FAM91A1: variants seen among roughly 807,000 people sequenced by gnomAD.
FAM91A1 encodes the protein protein FAM91A1.
In FAM91A1, 41 loss-of-function variants were observed where a neutral mutation model predicts 113.5. That is an observed-to-expected ratio of 0.36 (90% CI 0.28 to 0.47). The LOEUF is 0.47. Ranked by LOEUF, FAM91A1 falls within the 20% of genes least tolerant of loss-of-function variation. FAM91A1 has a pLI of 1.00. For synonymous variants in FAM91A1, 307 were observed against 347.9 expected (o/e 0.88, Z 1.31); for missense variants, 696 against 1,001.2 (o/e 0.70, Z 4.11).
intron 9 of FAM91A1, 192 bp from the exon 10 acceptor site, chr8:123,784,889 C>A: frequency 2.2e-6 from 1 of 454,164 alleles, no homozygotes. Flanking sequence ...TTGTTATGGT[C>A]ACTCCATGGA....
At chr8:123,796,231 A>G (rs1404108241) in intron 15 of FAM91A1, among the ~76,000 whole-genome samples, 3 of 152,206 alleles carry the variant, frequency 2.0e-5, no homozygotes, top group East Asian at 1.9e-4. Context: ...TGTCTGCTCT[A>G]TGGAAGAGAA....
rs146579558 is a variant in FAM91A1 at position 123,784,333 on chromosome 8, A to G, written c.704-137A>G. ...ATTGTAGAGTTTCAGAAAACTTGCT[A>G]TGGAGTGGATAAATAAATCAAAAGC... On this transcript the variant is annotated intron_variant, in intron 8 of 23. Coordinates refer to ENST00000334705, the MANE Select transcript of FAM91A1 (RefSeq NM_144963.4). 2.2e-3 allele frequency: 1,233 copies of G among 554,834 alleles called. 10 individuals carry two copies. The highest frequency in any genetic ancestry group is 0.022 in the African/African-American group (1,107 of 49,876). 34.4% of individuals were successfully genotyped at this position (554,834 alleles called of 1,614,324 possible). A position where few individuals can be genotyped will look rare whatever the true frequency, so the allele number is the denominator to read the frequency against.
chr8:123,805,481 A>AG, intron 19 of FAM91A1, 142 bp downstream of exon 19: 1 of 694,480 alleles, frequency 1.4e-6, no homozygotes, highest in Non-Finnish European at 2.4e-6. Flanking sequence ...TGTTGGCAAA[A>AG]GGTAGTTTTT....
At chr8:123,810,559 G>C (rs896278052) in intron 23 of FAM91A1, 8 of 637,086 alleles carry the variant, frequency 1.3e-5, no homozygotes, top group Admixed American at 3.1e-5. Context: ...TGATCTCTTT[G>C]TTCTGTGCCA....
chr8:123,781,371 G>A (rs1470192148), intron 8 of FAM91A1, among the ~76,000 whole-genome samples: 1 of 151,718 alleles, frequency 6.6e-6, no homozygotes, highest in African/African-American at 2.4e-5. Context: ...TTATATCAGT[G>A]TTGAATCTTG....
rs538594952 is a variant in FAM91A1 at position 123,785,689 on chromosome 8, T to C, written c.910T>C (p.Leu304=). The change falls in exon 11 of 24, where the codon TTG becomes CTG. Residue 304 remains leucine (L), a synonymous_variant. Coordinates refer to ENST00000334705, the MANE Select transcript of FAM91A1 (RefSeq NM_144963.4). ...FAHKKGQVIN[L]DQLHSSWKNV... ...CCATAAGAAGGGACAAGTAATTAAT[T>C]TGGATCAACTTCATTCATCATGGAA... 6.8e-6 allele frequency: 11 copies of C among 1,608,994 alleles called. No individual in the cohort carries two copies. The highest frequency in any genetic ancestry group is 9.3e-6 in the Non-Finnish European group (11 of 1,178,620).
chr8:123,782,847 T>C (rs1441180545), intron 8 of FAM91A1, among the ~76,000 whole-genome samples: 2 of 152,152 alleles, frequency 1.3e-5, no homozygotes, highest in Admixed American at 1.3e-4. Flanking sequence ...TCTAATCTCA[T>C]AGTGCCTTGG....
rs923719796 is a variant in FAM91A1, at chr8:123,786,349, T to G, written c.963-146T>G. The G allele has an allele frequency of 2.2e-5, 14 of 627,536 alleles. No homozygotes were observed. The African/African-American group carries it at 2.4e-4, about 11-fold the overall frequency. 38.9% of individuals were successfully genotyped at this position (627,536 alleles called of 1,614,324 possible). ...ACCCTTGTTGTATGTAGGCAGAGCA[T>G]TTTTGGGCTGCGACTTAATTTTGGG... On this transcript the variant is annotated intron_variant, in intron 11 of 23. Transcript: ENST00000334705.
chr8:123,805,962 A>G (rs1815792328), intron 19 of FAM91A1, 118 bp from the exon 20 acceptor site: 7 of 972,562 alleles, frequency 7.2e-6, no homozygotes, highest in East Asian at 5.9e-5. Context: ...TTTGGAATCA[A>G]TTATGATGTA....
At chr8:123,797,999 A>G in intron 15 of FAM91A1, 91 bp from the exon 16 acceptor site, 1 of 1,408,546 alleles carries the variant, frequency 7.1e-7, no homozygotes, top group South Asian at 1.4e-5. Context: ...AAAATTTAAA[A>G]TCTTAAGTCA....
At position 123,805,481 on chromosome 8, in the gene FAM91A1, AG is replaced by A. The variant is rs1815781145; in HGVS notation, c.1882+144del. 4.3e-6 allele frequency: 3 copies of A among 694,362 alleles called. No homozygotes were observed. In the South Asian group the frequency reaches 6.2e-5, roughly 14 times the overall value. The allele number at this position is 694,362 out of a possible 1,614,324, so 43.0% of individuals were successfully genotyped here. A position where few individuals can be genotyped will look rare whatever the true frequency, so the allele number is the denominator to read the frequency against. On this transcript the variant is annotated intron_variant, in intron 19 of 23. Coordinates refer to ENST00000334705, the MANE Select transcript of FAM91A1 (RefSeq NM_144963.4). Reference sequence around the variant, plus strand: ...TTTGCTACTAAAGAGTGTTGGCAAAAGGTAGTTTTTTGTCATGTGCTTTGCC... The same window carrying A: ...TTTGCTACTAAAGAGTGTTGGCAAAAGTAGTTTTTTGTCATGTGCTTTGCC...
chr8:123,774,015 T>G (rs945330609), intron 1 of FAM91A1, 65 bp from the exon 2 acceptor site: 53 of 1,291,408 alleles, frequency 4.1e-5, no homozygotes, highest in Middle Eastern at 1.8e-4. Flanking sequence ...AAGTGTGTTA[T>G]GGGAAAAAAT....
At chr8:123,798,970 A>T (rs558194771) in intron 16 of FAM91A1, among the ~76,000 whole-genome samples, 1 of 152,200 alleles carries the variant, frequency 6.6e-6, no homozygotes, top group African/African-American at 2.4e-5. Context: ...TTCTCTGTGC[A>T]CACCACCGAA....
At chr8:123,811,941 G>C (rs1462315132) in intron 23 of FAM91A1, 1 of 152,310 alleles carries the variant, frequency 6.6e-6, no homozygotes, top group Non-Finnish European at 1.5e-5. Context: ...GCACGATCTC[G>C]GCTCACTGCA....
chr8:123,785,976 C>T (rs1455322509), intron 11 of FAM91A1: 5 of 460,206 alleles, frequency 1.1e-5, no homozygotes, highest in South Asian at 8.8e-5. Context: ...CACCACCATG[C>T]CCAGCTAATT....
At chr8:123,805,454 T>A in intron 19 of FAM91A1, 115 bp downstream of exon 19, 1 of 830,312 alleles carries the variant, frequency 1.2e-6, no homozygotes, top group East Asian at 2.7e-5. Flanking sequence ...AGTTCTAGGT[T>A]CTTTGCTACT....
Position 123,780,064 on chromosome 8 carries a change from A to G in FAM91A1, c.629A>G (p.Asn210Ser). 6.2e-7 allele frequency: 1 copy of G among 1,612,900 alleles called. No homozygotes were observed. Among genetic ancestry groups the G allele is most frequent in the African/African-American group, 1.3e-5 (1 of 75,024 alleles). ...GPQLSGSLDY[N>S]VVHSLYNKGF... The stretch of plus-strand genomic sequence containing the variant: ...CAACTCTCTGGATCACTAGATTACA[A>G]TGTAGTACATAGTAAGTGGTTAGTA... The change falls in exon 7 of 24, where the codon AAT becomes AGT. Residue 210 changes from asparagine to serine, a missense_variant. Physicochemically the swap from Asn to Ser is conservative, Grantham distance 46. Transcript: ENST00000334705.
chr8:123,792,272 G>A (rs1411826430), intron 15 of FAM91A1, among the ~76,000 whole-genome samples: 1 of 152,176 alleles, frequency 6.6e-6, no homozygotes, highest in East Asian at 1.9e-4. Context: ...TATACTTTGA[G>A]TATATCATGT....
Position 123,780,466 on chromosome 8 carries a change from T to C in FAM91A1, c.641-14T>C, listed in dbSNP as rs1373064428. The C allele has an allele frequency of 3.1e-6, 5 of 1,597,860 alleles. No individual in the cohort carries two copies. The highest frequency in any genetic ancestry group is 4.3e-6 in the Non-Finnish European group (5 of 1,168,610). On this transcript the variant is annotated splice_polypyrimidine_tract_variant and intron_variant, in intron 7 of 23. Transcript: ENST00000334705. ...TAGTGTTCCATCTAAAACAAGGTACTTTTGTTTCTTCAGGTTTGTATAACA... is the reference window on the plus strand; with the variant it reads ...TAGTGTTCCATCTAAAACAAGGTACCTTTGTTTCTTCAGGTTTGTATAACA...
Sources: gnomAD v4.1 joint callset for allele counts (sites outside exome capture counted in the v4.1 genomes callset) on GRCh38, gnomAD v4.1.1 for gene constraint, MANE v1.5 for transcripts, NCBI Gene and HGNC (gene_info 2026-07-23, HGNC 2026-07-21) for gene names.